LSM1: variants seen among roughly 807,000 people sequenced by gnomAD.
LSM1 encodes the protein U6 snRNA-associated Sm-like protein LSm1.
Under a neutral mutation model 18.0 loss-of-function variants are expected in LSM1, and 13 were observed. That is an observed-to-expected ratio of 0.72 (90% CI 0.47 to 1.15). The LOEUF is 1.15. Among genes scored for constraint, LSM1 ranks in the 50% most tolerant of loss-of-function variants. LSM1 has a pLI of 0.00. For synonymous variants in LSM1, 46 were observed against 56.0 expected, an observed-to-expected ratio of 0.82 and a Z score of 0.80; for missense variants, 152 against 157.7, an observed-to-expected ratio of 0.96 and a Z score of 0.19.
At chr8:38,164,897 T>C (rs562380895) in intron 3 of LSM1, among the ~76,000 whole-genome samples, 2 of 152,288 alleles carry the variant, frequency 1.3e-5, no homozygotes, top group Admixed American at 6.5e-5. Context: ...TAGCTGGGGC[T>C]ACAGGTGTGC....
At chr8:38,167,341 T>C (rs188392531) in intron 3 of LSM1, among the ~76,000 whole-genome samples, 1 of 152,288 alleles carries the variant, frequency 6.6e-6, no homozygotes, top group Admixed American at 6.5e-5. Context: ...AACAGAAGCA[T>C]ATCTGTGAAT....
rs776349391 is a variant in LSM1, at chr8:38,163,837, A to G, written c.235T>C (p.Leu79=). 2.5e-6 allele frequency: 4 copies of G among 1,613,900 alleles called. No homozygotes were observed. In the African/African-American group the frequency reaches 5.3e-5, roughly 22 times the overall value. Residue 79 remains leucine (L), a synonymous_variant, in exon 4 of 4, where the codon TTG becomes CTG. Transcript: ENST00000311351. The part of the protein sequence containing the change: ...ENVVLLGEID[L]EKESDTPLQQ... ...AGGGGTGTGTCACTCTCCTTTTCCA[A>G]GTCCTACAAAAGAGACAGGTTTGAA... is the stretch of plus-strand genomic sequence containing the variant.
Position 38,163,650 on chromosome 8 carries a change from A to G in LSM1, c.*20T>C. ...TGACAGCCCCTACTCTTCAAGAGCCAACAGCCTCTGGGCAAAAGATTAGTA... is the reference window on the plus strand; with the variant it reads ...TGACAGCCCCTACTCTTCAAGAGCCGACAGCCTCTGGGCAAAAGATTAGTA... On this transcript the variant is annotated 3_prime_UTR_variant, in exon 4 of 4. Coordinates refer to ENST00000311351, the MANE Select transcript of LSM1 (RefSeq NM_014462.3). 2 of 1,612,584 alleles carry G rather than the reference A, an allele frequency of 1.2e-6. No homozygotes were observed. Among genetic ancestry groups the G allele is most frequent in the Non-Finnish European group, 1.7e-6 (2 of 1,178,946 alleles).
chr8:38,170,357 G>A (rs1803005283), intron 2 of LSM1, among the ~76,000 whole-genome samples: 1 of 152,160 alleles, frequency 6.6e-6, no homozygotes, highest in Non-Finnish European at 1.5e-5. Flanking sequence ...CTAATTCTGG[G>A]GAAGGCTAAA....
chr8:38,171,495 C>T (rs1292097520), intron 2 of LSM1, among the ~76,000 whole-genome samples: 3 of 152,128 alleles, frequency 2.0e-5, no homozygotes, highest in Non-Finnish European at 2.9e-5. Flanking sequence ...GGCGAAACCC[C>T]GTCTCTACTA....
At chr8:38,165,415 C>T (rs962414590) in intron 3 of LSM1, among the ~76,000 whole-genome samples, 3 of 151,618 alleles carry the variant, frequency 2.0e-5, no homozygotes, top group South Asian at 2.1e-4. Flanking sequence ...ACACACTCAT[C>T]GTAGATAATA....
intron 1 of LSM1, 137 bp downstream of exon 1, chr8:38,176,138 G>A: frequency 1.5e-6 from 1 of 663,880 alleles, no homozygotes; most frequent in Non-Finnish European, 2.6e-6. Context: ...GGAGGACATC[G>A]ACGCGGAACG....
rs535490179 is a variant in LSM1 at position 38,176,422 on chromosome 8, G to A, written c.-102C>T. On this transcript the variant is annotated 5_prime_UTR_variant, in exon 1 of 4. Coordinates refer to ENST00000311351, the MANE Select transcript of LSM1 (RefSeq NM_014462.3). ...CGCCGCCTCGGTGGGACCAAGCCCG[G>A]AATCCCGACCGAGACCAGCACTTCT... 2.7e-4 allele frequency: 251 copies of A among 922,588 alleles called. No homozygotes were observed. In the African/African-American group the frequency reaches 3.9e-3, roughly 14 times the overall value. 57.2% of individuals were successfully genotyped at this position (922,588 alleles called of 1,614,324 possible).
upstream of LSM1, chr8:38,176,696 C>T: frequency 1.2e-6 from 1 of 807,144 alleles, no homozygotes; most frequent in Non-Finnish European, 1.8e-6. Context: ...GAGTCACTGA[C>T]CTCCGTCCCT....
At chr8:38,175,966 T>A (rs374440163) in intron 1 of LSM1, 2 of 292,916 alleles carry the variant, frequency 6.8e-6, no homozygotes, top group East Asian at 6.9e-5. Flanking sequence ...GCCCCCCCCC[T>A]CCCCGGGCTT....
At chr8:38,176,504 A>G, upstream of LSM1, 1 of 579,262 alleles carries the variant, frequency 1.7e-6, no homozygotes, top group South Asian at 2.3e-5. Flanking sequence ...ACCCTTACCC[A>G]CTTCCTGTAA....
intron 1 of LSM1, among the ~76,000 whole-genome samples, chr8:38,173,616 G>C (rs1193354001): frequency 1.3e-5 from 2 of 152,100 alleles, no homozygotes; most frequent in African/African-American, 4.8e-5. Context: ...AAGATGTGAG[G>C]TAAAGATGTA....
rs765787346 is a variant in LSM1 at position 38,163,854 on chromosome 8, A to C, written c.232-14T>G. ...CTTTTCCAAGTCCTACAAAAGAGAC[A>C]GGTTTGAAAACTTCACCTGAAGACC... On this transcript the variant is annotated splice_polypyrimidine_tract_variant and intron_variant, in intron 3 of 3. Coordinates refer to ENST00000311351, the MANE Select transcript of LSM1 (RefSeq NM_014462.3). 1.5e-5 allele frequency: 25 copies of C among 1,613,368 alleles called. No individual in the cohort carries two copies. The highest frequency in any genetic ancestry group is 2.1e-5 in the Non-Finnish European group (25 of 1,179,348).
At chr8:38,164,464 C>T (rs76873509) in intron 3 of LSM1, among the ~76,000 whole-genome samples, 31,002 of 151,582 alleles carry the variant, frequency 0.2, 3,496 homozygotes, top group East Asian at 0.31. Context: ...GCTATCTCCC[C>T]CACTGCAGAG....
chr8:38,176,715 G>C, upstream of LSM1: 1 of 995,370 alleles, frequency 1.0e-6, no homozygotes, highest in Non-Finnish European at 1.4e-6. Flanking sequence ...CTCAGCTTTC[G>C]GGGTTCGGCA....
intron 3 of LSM1, among the ~76,000 whole-genome samples, chr8:38,168,107 G>A (rs915772442): frequency 3.3e-5 from 5 of 151,652 alleles, no homozygotes; most frequent in Non-Finnish European, 7.4e-5. Flanking sequence ...GACTACAGGC[G>A]CCCGCCACCA....
At chr8:38,171,105 T>G in intron 2 of LSM1, 1 of 339,442 alleles carries the variant, frequency 2.9e-6, no homozygotes, top group South Asian at 2.2e-5. Flanking sequence ...TATCCCTATA[T>G]GTAAAGTATT....
chr8:38,174,781 G>C (rs1418172844), intron 1 of LSM1, among the ~76,000 whole-genome samples: 2 of 152,008 alleles, frequency 1.3e-5, no homozygotes, highest in African/African-American at 2.4e-5. Flanking sequence ...CCAGTACTCT[G>C]GGAGGCCGAG....
Position 38,176,475 on chromosome 8 carries a change from C to G in LSM1, c.-155G>C. 6.3e-6 allele frequency: 4 copies of G among 631,852 alleles called. No homozygotes were observed. In the Admixed American group the frequency reaches 1.1e-4, roughly 17 times the overall value. The allele number at this position is 631,852 out of a possible 1,614,324, so 39.1% of individuals were successfully genotyped here. ...CCCGGCTTTCAGCCGCCGGGGGCTG[C>G]CGGAAGCTCCTCCATATTACCCTTA... On this transcript the variant is annotated 5_prime_UTR_variant, in exon 1 of 4. Coordinates refer to ENST00000311351, the MANE Select transcript of LSM1 (RefSeq NM_014462.3).
Sources: allele counts gnomAD v4.1 joint callset (sites outside exome capture counted in the v4.1 genomes callset), GRCh38; gene constraint gnomAD v4.1.1; transcripts MANE v1.5; gene names NCBI Gene and HGNC (gene_info 2026-07-23, HGNC 2026-07-21).